WWP1: variants seen among roughly 807,000 people sequenced by gnomAD.
The protein encoded by WWP1 is NEDD4-like E3 ubiquitin-protein ligase WWP1.
A neutral mutation model predicts 130.6 loss-of-function variants in WWP1; 49 were observed. That is an observed-to-expected ratio of 0.38 (90% CI 0.30 to 0.48). WWP1 has a LOEUF of 0.48. Ranked by LOEUF, WWP1 falls within the 20% of genes least tolerant of loss-of-function variation. WWP1 has a pLI of 0.99. For synonymous variants in WWP1, 332 were observed against 367.8 expected, an observed-to-expected ratio of 0.90 and a Z score of 1.11; for missense variants, 809 against 1,100.6, an observed-to-expected ratio of 0.74 and a Z score of 3.75.
chr8:86,447,655 A>G (rs1810959036), intron 18 of WWP1, among the ~76,000 whole-genome samples: 1 of 152,150 alleles, frequency 6.6e-6, no homozygotes, highest in South Asian at 2.1e-4. Context: ...TAGTATTAAT[A>G]GCTTCAGTGG....
Position 86,342,852 on chromosome 8 carries a change from A to C in WWP1, c.-193A>C. 5.6e-6 allele frequency: 2 copies of C among 354,060 alleles called. No individual in the cohort carries two copies. 21.9% of individuals were successfully genotyped at this position (354,060 alleles called of 1,614,324 possible). On this transcript the variant is annotated 5_prime_UTR_variant, in exon 1 of 25. Transcript: ENST00000517970. ...GCGAGATGGCGATCTTGGGCGCGGA[A>C]GGGTGAGGGCGCCCGCCGCAGGAGG...
chr8:86,395,251 T>G (rs1807591909), intron 5 of WWP1, among the ~76,000 whole-genome samples: 1 of 152,184 alleles, frequency 6.6e-6, no homozygotes, highest in Admixed American at 6.5e-5. Flanking sequence ...AGAGACAGAT[T>G]GTAAACATTT....
rs201654619 is a variant in WWP1, at chr8:86,381,496, C to T, written c.210-9C>T. 45 of 1,600,796 alleles carry T rather than the reference C, an allele frequency of 2.8e-5. No homozygotes were observed. Among genetic ancestry groups the T allele is most frequent in the African/African-American group, 2.4e-4 (18 of 74,198 alleles). ...TCCTGTATTTTTGTTAATAATTTTA[C>T]CCTTCCAGAAATGTTACGCCACAGA... On this transcript the variant is annotated splice_polypyrimidine_tract_variant and intron_variant, in intron 4 of 24. Transcript: ENST00000517970.
At chr8:86,379,212 G>A (rs143558812) in intron 3 of WWP1, among the ~76,000 whole-genome samples, 5 of 152,136 alleles carry the variant, frequency 3.3e-5, no homozygotes, top group Admixed American at 2.0e-4. Flanking sequence ...GTCCAGTGGC[G>A]CTGAACTTAG....
rs78654341 is a variant in WWP1, at chr8:86,441,819, C to T, written c.1839-800C>T. Among the ~76,000 whole-genome samples, 471 of 152,246 alleles carry T rather than the reference C, an allele frequency of 3.1e-3. 2 individuals carry two copies. Among genetic ancestry groups the T allele is most frequent in the African/African-American group, 0.011 (448 of 41,562 alleles). On this transcript the variant is annotated intron_variant, in intron 17 of 24. Transcript: ENST00000517970. ...CATCTAGAGAATAGAGAAGGAATCC[C>T]CTTGTACTTACAGATTACTGTAAGC...
intron 11 of WWP1, among the ~76,000 whole-genome samples, chr8:86,430,259 T>G (rs1254565605): frequency 6.6e-6 from 1 of 152,128 alleles, no homozygotes; most frequent in African/African-American, 2.4e-5. Context: ...AATGTGGACC[T>G]ATCTATCTGT....
intron 5 of WWP1, among the ~76,000 whole-genome samples, chr8:86,389,613 TTTCTA>T: frequency 6.6e-6 from 1 of 152,336 alleles, no homozygotes; most frequent in Non-Finnish European, 1.5e-5. Flanking sequence ...ATTTCCCCCT[TTTCTA>T]TTCGACAAAA....
intron 11 of WWP1, among the ~76,000 whole-genome samples, chr8:86,430,428 G>A (rs1280488132): frequency 6.6e-6 from 1 of 151,946 alleles, no homozygotes; most frequent in Non-Finnish European, 1.5e-5. Context: ...CTTTAGGCAT[G>A]TGCCAACACA....
intron 5 of WWP1, among the ~76,000 whole-genome samples, chr8:86,390,234 C>T (rs553647213): frequency 3.3e-5 from 5 of 151,852 alleles, no homozygotes; most frequent in African/African-American, 9.7e-5. Context: ...CAGAGGGGCT[C>T]CTCACATCCC....
Position 86,432,939 on chromosome 8 carries a change from G to T in WWP1, c.1601+1196G>T, listed in dbSNP as rs541517351. ...TCATTTTTATTGCTCCCCTTTACAG[G>T]AAAGCTACTTGCATGGTTGTCTCTG... On this transcript the variant is annotated intron_variant, in intron 14 of 24. Coordinates refer to ENST00000517970, the MANE Select transcript of WWP1 (RefSeq NM_007013.4). 7.2e-5 allele frequency among the ~76,000 whole-genome samples: 11 copies of T among 152,258 alleles called. No homozygotes were observed. In the South Asian group the frequency reaches 2.3e-3, roughly 32 times the overall value.
intron 12 of WWP1, among the ~76,000 whole-genome samples, chr8:86,431,112 GA>G (rs1809943678): frequency 3.0e-5 from 4 of 133,252 alleles, no homozygotes; most frequent in African/African-American, 1.1e-4. Context: ...ATAATATACA[GA>G]ATATATAGAA....
intron 8 of WWP1, among the ~76,000 whole-genome samples, chr8:86,406,148 C>T (rs114295392): frequency 1.1e-3 from 169 of 152,212 alleles, no homozygotes; most frequent in African/African-American, 3.9e-3. Flanking sequence ...TGTCTCAGCT[C>T]AACCACTTGC....
intron 8 of WWP1, among the ~76,000 whole-genome samples, chr8:86,408,207 G>GT (rs777049011): frequency 3.9e-5 from 6 of 152,070 alleles, no homozygotes; most frequent in African/African-American, 1.4e-4. Flanking sequence ...GTTTCTCCAT[G>GT]TTTTTTGTGG....
chr8:86,368,032 A>G (rs370957714), intron 1 of WWP1, among the ~76,000 whole-genome samples: 58 of 152,296 alleles, frequency 3.8e-4, no homozygotes, highest in African/African-American at 1.3e-3. Context: ...CTAGCTGTCT[A>G]TTACACCTGG....
chr8:86,373,369 AT>A (rs1238880565), intron 2 of WWP1, among the ~76,000 whole-genome samples: 5 of 151,260 alleles, frequency 3.3e-5, no homozygotes, highest in East Asian at 1.9e-4. Flanking sequence ...GTTCATTATT[AT>A]TTTTTTTGTC....
Position 86,398,391 on chromosome 8 carries a change from C to G in WWP1, c.384C>G (p.Gly128=). The G allele has an allele frequency of 4.3e-6, 7 of 1,610,602 alleles. No homozygotes were observed. Among genetic ancestry groups the G allele is most frequent in the Non-Finnish European group, 5.9e-6 (7 of 1,177,980 alleles). The change falls in exon 6 of 25, where the codon GGC becomes GGG. Residue 128 remains glycine, a synonymous_variant. Coordinates refer to ENST00000517970, the MANE Select transcript of WWP1 (RefSeq NM_007013.4). The part of the protein sequence containing the change: ...QLKLSLENKN[G]IAQTGELTVV... ...AACTTTCCTTGGAAAACAAGAATGGCATAGCACAAACTGGTGAATTGACAG... is the reference window on the plus strand; with the variant it reads ...AACTTTCCTTGGAAAACAAGAATGGGATAGCACAAACTGGTGAATTGACAG...
intron 18 of WWP1, among the ~76,000 whole-genome samples, chr8:86,447,652 AATAGCTTCAGTGG>A (rs1276428657): frequency 2.0e-5 from 3 of 152,134 alleles, no homozygotes; most frequent in Non-Finnish European, 4.4e-5. Flanking sequence ...AGGTAGTATT[AATAGCTTCAGTGG>A]ATTTTTTTAG....
In WWP1 at chr8:86,461,842, A is replaced by T; in HGVS notation, c.2665A>T (p.Thr889Ser). The T allele has an allele frequency of 6.2e-7, 1 of 1,613,124 alleles. No homozygotes were observed. Among genetic ancestry groups the T allele is most frequent in the South Asian group, 1.1e-5 (1 of 91,006 alleles). Residue 889 changes from threonine to serine, a missense_variant, in exon 24 of 25, where the codon ACA (threonine) becomes TCA (serine). By Grantham distance (58) the Thr-to-Ser change is moderately conservative (BLOSUM62 1). Transcript: ENST00000517970. ...GKDTWLPRSH[T>S]CFNRLDLPPY... ...AGACACTTGGTTACCAAGAAGCCAT[A>T]CATGGTAAGTTCAAGAATCCTAAAT...
intron 13 of WWP1, 53 bp from the exon 14 acceptor site, chr8:86,431,562 T>A (rs946920957): frequency 1.2e-6 from 2 of 1,611,796 alleles, no homozygotes; most frequent in Non-Finnish European, 1.7e-6. Flanking sequence ...TTGAATGAGA[T>A]ATTTTTAGTA....
Sources: gnomAD v4.1 joint callset for allele counts (sites outside exome capture counted in the v4.1 genomes callset) on GRCh38, gnomAD v4.1.1 for gene constraint, MANE v1.5 for transcripts, NCBI Gene and HGNC (gene_info 2026-07-23, HGNC 2026-07-21) for gene names.